Variants in AGBL4 observed in about 807,000 individuals in gnomAD.
The protein encoded by AGBL4 is AGBL carboxypeptidase 4, also known as cytosolic carboxypeptidase 6.
A neutral mutation model predicts 66.4 loss-of-function variants in AGBL4; 58 were observed. That is an observed-to-expected ratio of 0.87 (90% CI 0.71 to 1.09). The LOEUF (loss-of-function observed/expected upper bound fraction) is 1.09. Among genes scored for constraint, AGBL4 ranks in the 50% least tolerant of loss-of-function variants. The pLI, the probability that AGBL4 is intolerant of heterozygous loss-of-function variation, is 0.00. For missense variants in AGBL4, 579 were observed against 631.0 expected, an observed-to-expected ratio of 0.92 and a Z score of 0.88; for synonymous variants, 234 against 222.9, an observed-to-expected ratio of 1.05 and a Z score of -0.44.
intron 4 of AGBL4, among the ~76,000 whole-genome samples, chr1:49,202,121 TGTGA>T (rs1647756713): frequency 6.6e-6 from 1 of 152,134 alleles, no homozygotes; most frequent in Non-Finnish European, 1.5e-5. Flanking sequence ...AATGAAACAT[TGTGA>T]GTGAGAGTTG....
chr1:49,156,519 T>A (rs1481393152), intron 4 of AGBL4, among the ~76,000 whole-genome samples: 2 of 152,118 alleles, frequency 1.3e-5, no homozygotes, highest in Non-Finnish European at 2.9e-5. Flanking sequence ...TGTAGCGCTA[T>A]AGACATCTGA....
intron 3 of AGBL4, among the ~76,000 whole-genome samples, chr1:49,420,989 T>G (rs961484860): frequency 1.3e-5 from 2 of 152,156 alleles, no homozygotes; most frequent in African/African-American, 4.8e-5. Context: ...AGAACACAAG[T>G]AAGTCTCTCA....
chr1:49,702,246 A>AGTGTG (rs1647109355), intron 2 of AGBL4, among the ~76,000 whole-genome samples: 1 of 152,180 alleles, frequency 6.6e-6, no homozygotes, highest in Non-Finnish European at 1.5e-5. Flanking sequence ...TAATCCCAGC[A>AGTGTG]CTTTGGGAGG....
At chr1:48,937,796 C>T (rs1571046317) in intron 5 of AGBL4, among the ~76,000 whole-genome samples, 1 of 152,274 alleles carries the variant, frequency 6.6e-6, no homozygotes. Flanking sequence ...AACCATGTCT[C>T]TGGGGCTAGA....
chr1:49,030,865 C>T (rs1010185269), intron 5 of AGBL4, among the ~76,000 whole-genome samples: 9 of 146,668 alleles, frequency 6.1e-5, no homozygotes, highest in African/African-American at 1.5e-4. Context: ...ATGGATCAAT[C>T]GGACTTCATC....
At chr1:49,841,228 CA>C (rs1218775723) in intron 2 of AGBL4, among the ~76,000 whole-genome samples, 1 of 152,012 alleles carries the variant, frequency 6.6e-6, no homozygotes, top group African/African-American at 2.4e-5. Context: ...GAATCAAATC[CA>C]GAACACAATT....
intron 3 of AGBL4, among the ~76,000 whole-genome samples, chr1:49,646,352 C>T (rs1400244770): frequency 6.6e-6 from 1 of 151,868 alleles, no homozygotes; most frequent in African/African-American, 2.4e-5. Context: ...TTGCAGGATA[C>T]AAGATCAATA....
rs138482513 is a variant in AGBL4 at position 48,558,218 on chromosome 1, C to T, written c.1268-18480G>A. ...TGTTTCGGCTTTAATCACGCATCCT[C>T]GCTTTAAGTACTCCCTGAACTTTAG... On this transcript the variant is annotated intron_variant, in intron 11 of 13. Coordinates refer to ENST00000371839, the MANE Select transcript of AGBL4 (RefSeq NM_032785.4). 5.5e-4 allele frequency among the ~76,000 whole-genome samples: 83 copies of T among 152,290 alleles called. 1 individual carries two copies. Among genetic ancestry groups the T allele is most frequent in the African/African-American group, 1.9e-3 (77 of 41,554 alleles).
intron 1 of AGBL4, among the ~76,000 whole-genome samples, chr1:49,929,267 T>A (rs1653094812): frequency 6.6e-6 from 1 of 151,846 alleles, no homozygotes; most frequent in Admixed American, 6.6e-5. Context: ...TCACACAATA[T>A]ACCTTTGTAA....
At chr1:48,762,208 C>T (rs1644294185) in intron 6 of AGBL4, among the ~76,000 whole-genome samples, 1 of 152,170 alleles carries the variant, frequency 6.6e-6, no homozygotes, top group African/African-American at 2.4e-5. Context: ...TCGCCCACTG[C>T]TTACGTGTGC....
chr1:48,915,601 T>C (rs1236919683), intron 5 of AGBL4, among the ~76,000 whole-genome samples: 1 of 152,212 alleles, frequency 6.6e-6, no homozygotes, highest in Non-Finnish European at 1.5e-5. Flanking sequence ...TCTCATAGTG[T>C]GTTCCCTTGG....
intron 1 of AGBL4, among the ~76,000 whole-genome samples, chr1:49,952,831 G>A (rs1656278970): frequency 1.3e-5 from 2 of 151,874 alleles, no homozygotes; most frequent in South Asian, 4.2e-4. Flanking sequence ...GCAACAATAG[G>A]AAAAGAGTAT....
At chr1:49,313,988 T>A (rs1288405243) in intron 3 of AGBL4, among the ~76,000 whole-genome samples, 1 of 152,216 alleles carries the variant, frequency 6.6e-6, no homozygotes, top group Non-Finnish European at 1.5e-5. Context: ...TTCTAGGGTT[T>A]TCATGGTTTT....
intron 3 of AGBL4, among the ~76,000 whole-genome samples, chr1:49,575,033 T>C (rs573271089): frequency 6.6e-6 from 1 of 152,164 alleles, no homozygotes; most frequent in Non-Finnish European, 1.5e-5. Context: ...AGGACCTCAC[T>C]ACATTACTGA....
chr1:49,274,875 G>C (rs1029469791), intron 3 of AGBL4, among the ~76,000 whole-genome samples: 1 of 152,036 alleles, frequency 6.6e-6, no homozygotes, highest in African/African-American at 2.4e-5. Context: ...AAACATTGCT[G>C]ATTCCTTTTA....
chr1:49,169,944 G>A (rs955413893), intron 4 of AGBL4, among the ~76,000 whole-genome samples: 13 of 151,972 alleles, frequency 8.6e-5, no homozygotes, highest in African/African-American at 3.1e-4. Context: ...GTATGCAAAG[G>A]CATACTGAGT....
chr1:49,930,807 T>C (rs1653265162), intron 1 of AGBL4, among the ~76,000 whole-genome samples: 1 of 152,172 alleles, frequency 6.6e-6, no homozygotes, highest in African/African-American at 2.4e-5. Context: ...TCGTACTTAA[T>C]GGTAAAAGAC....
At chr1:49,380,692 A>C (rs1249271557) in intron 3 of AGBL4, among the ~76,000 whole-genome samples, 2 of 152,194 alleles carry the variant, frequency 1.3e-5, no homozygotes, top group Non-Finnish European at 2.9e-5. Context: ...ATAATGCCAC[A>C]TATCTGCAAC....
rs893125156 is a variant in AGBL4 at position 49,885,599 on chromosome 1, T to G, written c.35-34081A>C. Among the ~76,000 whole-genome samples the G allele has an allele frequency of 4.6e-5, 7 of 152,076 alleles. No individual in the cohort carries two copies. The South Asian group carries it at 8.3e-4, about 18-fold the overall frequency. On this transcript the variant is annotated intron_variant, in intron 1 of 13. Transcript: ENST00000371839. ...GACATCTTGGTTTGTTAAGCTACAA[T>G]CAATTAGAGGATGTTTCAATTACCA...
Sources: allele counts gnomAD v4.1 joint callset (sites outside exome capture counted in the v4.1 genomes callset), GRCh38; gene constraint gnomAD v4.1.1; transcripts MANE v1.5; gene names NCBI Gene and HGNC (gene_info 2026-07-23, HGNC 2026-07-21).